Variants in PLCB3 observed in about 807,000 individuals in gnomAD.
The protein encoded by PLCB3 is 1-phosphatidylinositol 4,5-bisphosphate phosphodiesterase beta-3.
Under a neutral mutation model 152.1 loss-of-function variants are expected in PLCB3, and 54 were observed. The observed-to-expected ratio is 0.36, with a 90% CI of 0.29 to 0.45. The LOEUF (loss-of-function observed/expected upper bound fraction) is 0.45, where lower values mean the gene tolerates loss of function less well. PLCB3 is among the 20% of genes least tolerant of loss of function. The pLI is 1.00. For missense variants in PLCB3, 1,248 were observed against 1,687.5 expected (o/e 0.74, Z 4.56); for synonymous variants, 717 against 698.7 (o/e 1.03, Z -0.41).
intron 25 of PLCB3, 124 bp from the exon 26 acceptor site, chr11:64,265,762 T>TA: frequency 1.5e-6 from 2 of 1,352,394 alleles, no homozygotes; most frequent in Non-Finnish European, 2.0e-6. Flanking sequence ...CTGGTTTGCA[T>TA]AACAGACCTG....
Position 64,255,977 on chromosome 11 carries a change from C to T in PLCB3, c.698+156C>T, listed in dbSNP as rs138931455. Among the ~76,000 whole-genome samples the T allele has an allele frequency of 6.6e-6, 1 of 152,108 alleles. No individual in the cohort carries two copies. The highest frequency in any genetic ancestry group is 1.5e-5 in the Non-Finnish European group (1 of 68,010). On this transcript the variant is annotated intron_variant, in intron 8 of 30. Coordinates refer to ENST00000279230, the MANE Select transcript of PLCB3 (RefSeq NM_000932.5). The surrounding 1 kb of genome is among the most constrained non-coding windows in gnomAD (Gnocchi z 6.8). ...CCAGGGAGAACCTGTCGGTGATGTT[C>T]CTGTACTCAGACCCGCCGTTTCTGC...
At chr11:64,261,747 C>A in intron 16 of PLCB3, 82 bp downstream of exon 16, 2 of 1,437,390 alleles carry the variant, frequency 1.4e-6, no homozygotes, top group Non-Finnish European at 2.0e-6. Context: ...CCCACATATG[C>A]CACCTGCACA....
At chr11:64,265,796 T>C in intron 25 of PLCB3, 90 bp from the exon 26 acceptor site, 4 of 1,480,316 alleles carry the variant, frequency 2.7e-6, no homozygotes, top group Non-Finnish European at 3.6e-6. Flanking sequence ...GTGTCTGCCA[T>C]CGCTTGCCAG....
At chr11:64,268,118 T>G (rs992598443), downstream of PLCB3, among the ~76,000 whole-genome samples, 12 of 152,146 alleles carry the variant, frequency 7.9e-5, no homozygotes, top group African/African-American at 2.9e-4. Context: ...CCCAAGCCGC[T>G]GTTCCTGTTC....
rs993337484 is a variant in PLCB3 at position 64,258,252 on chromosome 11, G to A, written c.1013-221G>A. 6.6e-6 allele frequency among the ~76,000 whole-genome samples: 1 copy of A among 152,164 alleles called. No individual in the cohort carries two copies. Among genetic ancestry groups the A allele is most frequent in the Non-Finnish European group, 1.5e-5 (1 of 68,020 alleles). ...TGTGCCAGGGCTGAGGTGGGTGGAG[G>A]GAGTGAGGAGAGGGAGGGATTGTTG... is the stretch of plus-strand genomic sequence containing the variant. On this transcript the variant is annotated intron_variant, in intron 10 of 30. Transcript: ENST00000279230. This position sits in a 1 kb window ranked among gnomAD's most constrained non-coding sequence, Gnocchi z 7.2.
chr11:64,252,615 G>A (rs1385627024), intron 1 of PLCB3, among the ~76,000 whole-genome samples: 2 of 152,196 alleles, frequency 1.3e-5, no homozygotes, highest in Non-Finnish European at 2.9e-5. Flanking sequence ...GTGGGGCCCC[G>A]GGGTAGGCGT....
chr11:64,255,657 TG>T lies in PLCB3; in HGVS notation c.597+44del. Reference sequence around the variant, plus strand: ...ACAGGGGCGGGGTGGGGTGTCACGGTGGGCACCCACCCTTACGGGGCTGCCC... The same window carrying T: ...ACAGGGGCGGGGTGGGGTGTCACGGTGGCACCCACCCTTACGGGGCTGCCC... On this transcript the variant is annotated intron_variant, in intron 7 of 30. Coordinates refer to ENST00000279230, the MANE Select transcript of PLCB3 (RefSeq NM_000932.5). This position sits in a 1 kb window ranked among gnomAD's most constrained non-coding sequence, Gnocchi z 6.8. The T allele has an allele frequency of 6.3e-7, 1 of 1,598,836 alleles. No individual in the cohort carries two copies. The highest frequency in any genetic ancestry group is 8.5e-7 in the Non-Finnish European group (1 of 1,171,130).
intron 13 of PLCB3, 136 bp from the exon 14 acceptor site, chr11:64,259,893 C>T: frequency 1.4e-6 from 1 of 725,952 alleles, no homozygotes; most frequent in Non-Finnish European, 2.3e-6. Context: ...TGGCCTCTCC[C>T]CAAGCCACAC....
Position 64,265,064 on chromosome 11 carries a change from C to A in PLCB3, c.2766C>A (p.Gly922=). The A allele has an allele frequency of 1.6e-6, 2 of 1,250,560 alleles. No individual in the cohort carries two copies. Among genetic ancestry groups the A allele is most frequent in the Non-Finnish European group, 2.1e-6 (2 of 939,854 alleles). 77.5% of individuals were successfully genotyped at this position (1,250,560 alleles called of 1,614,324 possible). A position where few individuals can be genotyped will look rare whatever the true frequency, so the allele number is the denominator to read the frequency against. The stretch of plus-strand genomic sequence containing the variant: ...ATGCCTCCCCCCGCCGGCCCCCTGG[C>A]CCCACCACCTCCCCTGCCAGCACCT... ...PLDASPRRPP[G]PTTSPASTSL... is the part of the protein sequence containing the mutation. Residue 922 remains glycine (G), a synonymous_variant, in exon 23 of 31, where the codon GGC becomes GGA. Transcript: ENST00000279230.
intron 1 of PLCB3, among the ~76,000 whole-genome samples, chr11:64,252,284 C>A (rs2031252210): frequency 6.6e-6 from 1 of 152,146 alleles, no homozygotes; most frequent in South Asian, 2.1e-4. Context: ...GCTCCCTGTT[C>A]AGATGGGAGC....
At chr11:64,260,302 CCATCAACAAGACTGA>C in intron 14 of PLCB3, 68 bp downstream of exon 14, 1 of 1,163,292 alleles carries the variant, frequency 8.6e-7, no homozygotes, top group Non-Finnish European at 1.2e-6. Flanking sequence ...CTGGGTCTGA[CCATCAACAAGACTGA>C]CATCACCCCT....
At chr11:64,256,226 A>T in intron 8 of PLCB3, 150 bp from the exon 9 acceptor site, 1 of 654,766 alleles carries the variant, frequency 1.5e-6, no homozygotes, top group Non-Finnish European at 2.6e-6. Flanking sequence ...ACTGAGGCCC[A>T]GAGGTTGGCC....
At chr11:64,264,317 G>T (rs907411953) in intron 22 of PLCB3, among the ~76,000 whole-genome samples, 1 of 152,226 alleles carries the variant, frequency 6.6e-6, no homozygotes, top group Non-Finnish European at 1.5e-5. Context: ...CCAGCTCCAT[G>T]TAGGCTTGGA....
In PLCB3 at chr11:64,256,471, C is replaced by T. The variant is rs771059102; in HGVS notation, c.794C>T (p.Pro265Leu). Residue 265 changes from proline to leucine, a missense_variant, in exon 9 of 31, where the codon CCG becomes CTG. Coordinates refer to ENST00000279230, the MANE Select transcript of PLCB3 (RefSeq NM_000932.5). ...RDPRLNEVLY[P>L]PLRPSQARLL... Reference sequence around the variant, plus strand: ...CCGAGACTCAACGAAGTGCTGTACCCGCCCCTGCGGCCCTCCCAGGCCCGG... The same window carrying T: ...CCGAGACTCAACGAAGTGCTGTACCTGCCCCTGCGGCCCTCCCAGGCCCGG... The T allele has an allele frequency of 6.8e-6, 11 of 1,613,782 alleles. No homozygotes were observed. The highest frequency in any genetic ancestry group is 1.1e-5 in the South Asian group (1 of 91,088).
At position 64,256,700 on chromosome 11, in the gene PLCB3, C is replaced by T. The variant is rs2031552180; in HGVS notation, c.948C>T (p.Ser316=). 1.2e-6 allele frequency: 2 copies of T among 1,614,230 alleles called. No individual in the cohort carries two copies. Among genetic ancestry groups the T allele is most frequent in the Non-Finnish European group, 1.7e-6 (2 of 1,180,026 alleles). The change falls in exon 10 of 31, where the codon AGC becomes AGT. Residue 316 remains serine, a synonymous_variant. Transcript: ENST00000279230. Reference sequence around the variant, plus strand: ...TGCCCCTGGAAGCCCTGGATCTGAGCACGGACATGACCCAGCCACTGAGTG... The same window carrying T: ...TGCCCCTGGAAGCCCTGGATCTGAGTACGGACATGACCCAGCCACTGAGTG... ...GILPLEALDL[S]TDMTQPLSAY... is the part of the protein sequence containing the mutation.
chr11:64,269,343 G>A (rs1439696617), downstream of PLCB3, among the ~76,000 whole-genome samples: 1 of 152,368 alleles, frequency 6.6e-6, no homozygotes, highest in African/African-American at 2.4e-5. Flanking sequence ...CTCTGTGCCC[G>A]GCACCAAGAA....
chr11:64,268,147 C>A (rs181377899), downstream of PLCB3, among the ~76,000 whole-genome samples: 3 of 152,162 alleles, frequency 2.0e-5, no homozygotes, highest in African/African-American at 7.2e-5. Context: ...CCATGACTTT[C>A]GTCTCTCCGA....
At position 64,261,953 on chromosome 11, in the gene PLCB3, T is replaced by C. The variant is rs1311495551; in HGVS notation, c.1915T>C (p.Tyr639His). ...GTGGCCCCTGACCACCAATCTCAGA[T>C]ACAACAAGCAGCAGCTCAGCCGCAT... ...LTKSPMEFVE[Y>H]NKQQLSRIYP... The change falls in exon 17 of 31, where the codon TAC (tyrosine) becomes CAC (histidine). Residue 639 changes from tyrosine to histidine, a missense_variant and splice_region_variant. Physicochemically the swap from Tyr to His is moderately conservative, Grantham distance 83. Coordinates refer to ENST00000279230, the MANE Select transcript of PLCB3 (RefSeq NM_000932.5). 6 of 1,613,942 alleles carry C rather than the reference T, an allele frequency of 3.7e-6. No homozygotes were observed. Among genetic ancestry groups the C allele is most frequent in the East Asian group, 2.2e-5 (1 of 44,884 alleles).
chr11:64,252,929 A>G (rs964323163), intron 1 of PLCB3, among the ~76,000 whole-genome samples: 3 of 150,768 alleles, frequency 2.0e-5, no homozygotes, highest in African/African-American at 7.4e-5. Context: ...GTACCCATAG[A>G]CTCCCCGCTC....
Sources: allele counts gnomAD v4.1 joint callset (sites outside exome capture counted in the v4.1 genomes callset), GRCh38; gene constraint gnomAD v4.1.1; non-coding constraint Gnocchi (gnomAD v3.1); transcripts MANE v1.5; gene names NCBI Gene and HGNC (gene_info 2026-07-23, HGNC 2026-07-21).